MSI2: variants seen among roughly 807,000 people sequenced by gnomAD.
The protein encoded by MSI2 is musashi RNA binding protein 2, also known as RNA-binding protein Musashi homolog 2.
MSI2 carries 17 observed loss-of-function variants against 45.6 expected under a neutral mutation model. The ratio of observed to expected loss-of-function variants is 0.37; its 90% confidence interval spans 0.26 to 0.56. MSI2 has a LOEUF of 0.56. Among genes scored for constraint, MSI2 ranks in the 20% least tolerant of loss-of-function variants. MSI2 has a pLI of 0.77. For synonymous variants in MSI2, 156 were observed against 158.2 expected, an observed-to-expected ratio of 0.99 and a Z score of 0.11; for missense variants, 293 against 444.2, an observed-to-expected ratio of 0.66 and a Z score of 3.06.
intron 5 of MSI2, among the ~76,000 whole-genome samples, chr17:57,332,570 G>C (rs1271654698): frequency 3.3e-5 from 5 of 152,222 alleles, no homozygotes; most frequent in Non-Finnish European, 7.3e-5. Flanking sequence ...AGCCATCTCA[G>C]AGCCTTTGTG....
At chr17:57,261,323 C>G (rs993022358) in intron 4 of MSI2, among the ~76,000 whole-genome samples, 5 of 150,892 alleles carry the variant, frequency 3.3e-5, no homozygotes, top group African/African-American at 1.2e-4. Context: ...CTACTTGTTG[C>G]ACTAGATTCT....
chr17:57,361,125 G>C (rs1039495577), intron 5 of MSI2, among the ~76,000 whole-genome samples: 1 of 152,140 alleles, frequency 6.6e-6, no homozygotes, highest in Non-Finnish European at 1.5e-5. Context: ...AACAACTCAA[G>C]GGTTACGGCC....
intron 6 of MSI2, among the ~76,000 whole-genome samples, chr17:57,437,961 A>C (rs1276899047): frequency 1.3e-5 from 2 of 152,218 alleles, no homozygotes; most frequent in African/African-American, 2.4e-5. Flanking sequence ...GTGCACATGC[A>C]CCCGTGTAAT....
At chr17:57,530,885 C>G (rs879258132) in intron 7 of MSI2, among the ~76,000 whole-genome samples, 73 of 151,832 alleles carry the variant, frequency 4.8e-4, no homozygotes, top group Non-Finnish European at 2.8e-4. Flanking sequence ...AAATGCATCC[C>G]TCTACAGCAT....
intron 5 of MSI2, among the ~76,000 whole-genome samples, chr17:57,282,835 C>CTTTTTTTTTTTT (rs564440544): frequency 0.019 from 1,765 of 92,528 alleles, 228 homozygotes; most frequent in African/African-American, 0.048. Flanking sequence ...GGGGGGCAGA[C>CTTTTTTTTTTTT]TTTTTTTTTT....
At chr17:57,575,374 GCGGCT>G (rs902756028) in intron 7 of MSI2, among the ~76,000 whole-genome samples, 7 of 152,144 alleles carry the variant, frequency 4.6e-5, no homozygotes, top group African/African-American at 1.7e-4. Context: ...GCTCTAGGTG[GCGGCT>G]CAATGGGAGT....
chr17:57,495,548 A>AAAAAAAAAAAAAG (rs1555613511), intron 6 of MSI2, among the ~76,000 whole-genome samples: 1 of 145,300 alleles, frequency 6.9e-6, no homozygotes, highest in African/African-American at 2.7e-5. Context: ...AAAAAAAAAA[A>AAAAAAAAAAAAAG]AAAAGAAAGC....
At chr17:57,619,446 G>A (rs1391216383) in intron 9 of MSI2, among the ~76,000 whole-genome samples, 4 of 152,254 alleles carry the variant, frequency 2.6e-5, no homozygotes, top group African/African-American at 7.2e-5. Flanking sequence ...AGCACGTCAT[G>A]AGGAGTGGAA....
chr17:57,412,229 G>A (rs2143207392), intron 6 of MSI2, among the ~76,000 whole-genome samples: 1 of 152,116 alleles, frequency 6.6e-6, no homozygotes, highest in Middle Eastern at 3.4e-3. Context: ...GTAGAGACAG[G>A]GTTTCGCCAT....
At chr17:57,618,760 T>A (rs1221055184) in intron 9 of MSI2, among the ~76,000 whole-genome samples, 2 of 152,128 alleles carry the variant, frequency 1.3e-5, no homozygotes, top group East Asian at 1.9e-4. Flanking sequence ...GCCAGGATGG[T>A]CTCGATCTCT....
chr17:57,576,649 G>C (rs1598415881), intron 7 of MSI2, among the ~76,000 whole-genome samples: 1 of 152,004 alleles, frequency 6.6e-6, no homozygotes, highest in East Asian at 1.9e-4. Context: ...AGCTACTTGG[G>C]AGTCTGAGGC....
rs556920536 is a variant in MSI2 at position 57,285,004 on chromosome 17, C to A, written c.312+22812C>A. 5.3e-5 allele frequency among the ~76,000 whole-genome samples: 8 copies of A among 152,138 alleles called. No individual in the cohort carries two copies. In the East Asian group the frequency reaches 1.5e-3, roughly 29 times the overall value. On this transcript the variant is annotated intron_variant, in intron 5 of 13. Coordinates refer to ENST00000284073, the MANE Select transcript of MSI2 (RefSeq NM_138962.4). Reference sequence around the variant, plus strand: ...GGATTTTCTCTTTCTTCAACCCCTCCCCTTTCTGGAAGACTTGTAGGAGGA... The same window carrying A: ...GGATTTTCTCTTTCTTCAACCCCTCACCTTTCTGGAAGACTTGTAGGAGGA...
At chr17:57,670,817 A>G (rs549022889) in intron 11 of MSI2, among the ~76,000 whole-genome samples, 1 of 152,262 alleles carries the variant, frequency 6.6e-6, no homozygotes, top group African/African-American at 2.4e-5. Flanking sequence ...ATACATAACT[A>G]TTTCAGAAAT....
intron 5 of MSI2, among the ~76,000 whole-genome samples, chr17:57,400,130 G>A (rs1598217365): frequency 1.3e-5 from 2 of 152,190 alleles, no homozygotes; most frequent in African/African-American, 2.4e-5. Flanking sequence ...TATTGTGACA[G>A]TAAAACTAAA....
intron 5 of MSI2, among the ~76,000 whole-genome samples, chr17:57,385,420 C>G (rs1020187849): frequency 6.6e-6 from 1 of 152,180 alleles, no homozygotes; most frequent in Non-Finnish European, 1.5e-5. Context: ...GCCCTTCTCT[C>G]TTGTCTTCCT....
At chr17:57,699,292 A>T in the MSI2 span, among the ~76,000 whole-genome samples, 20 of 148,926 alleles carry the variant, frequency 1.3e-4, no homozygotes, top group Non-Finnish European at 2.1e-4. Flanking sequence ...AGAGAGAGAG[A>T]GTGTGTAAGC....
At chr17:57,650,023 C>T (rs1194902825) in intron 10 of MSI2, among the ~76,000 whole-genome samples, 1 of 152,200 alleles carries the variant, frequency 6.6e-6, no homozygotes, top group African/African-American at 2.4e-5. Context: ...TTCCAGCCCT[C>T]AGCAGTGTCT....
At chr17:57,524,900 G>C (rs556714261) in intron 6 of MSI2, among the ~76,000 whole-genome samples, 1 of 152,344 alleles carries the variant, frequency 6.6e-6, no homozygotes, top group Non-Finnish European at 1.5e-5. Flanking sequence ...TACCCTTAGA[G>C]TAGCTCATGG....
chr17:57,328,319 A>G (rs886201834), intron 5 of MSI2, among the ~76,000 whole-genome samples: 1 of 133,812 alleles, frequency 7.5e-6, no homozygotes, highest in African/African-American at 3.8e-5. Flanking sequence ...CCATTTATCC[A>G]TCCATCCATC....
Sources: allele counts gnomAD v4.1 joint callset (sites outside exome capture counted in the v4.1 genomes callset), GRCh38; gene constraint gnomAD v4.1.1; transcripts MANE v1.5; gene names NCBI Gene and HGNC (gene_info 2026-07-23, HGNC 2026-07-21).